Variants in SHISA6 observed in about 807,000 individuals in gnomAD.
The protein encoded by SHISA6 is protein shisa-6.
SHISA6 carries 22 observed loss-of-function variants against 47.9 expected under a neutral mutation model. That is an observed-to-expected ratio of 0.46 (90% CI 0.33 to 0.66). The LOEUF is 0.66. SHISA6 is among the 30% of genes least tolerant of loss of function. The pLI is 0.02. For synonymous variants in SHISA6, 388 were observed against 337.8 expected, an observed-to-expected ratio of 1.15 and a Z score of -1.63; for missense variants, 680 against 764.6, an observed-to-expected ratio of 0.89 and a Z score of 1.30.
chr17:11,298,979 A>G (rs1909837282), intron 2 of SHISA6, among the ~76,000 whole-genome samples: 1 of 152,188 alleles, frequency 6.6e-6, no homozygotes, highest in South Asian at 2.1e-4. Flanking sequence ...GGTCTAGTCT[A>G]TTAGGTTGAT....
At chr17:11,419,232 AAAAG>A (rs1386726701) in intron 3 of SHISA6, among the ~76,000 whole-genome samples, 1 of 147,302 alleles carries the variant, frequency 6.8e-6, no homozygotes, top group African/African-American at 2.7e-5. Flanking sequence ...TAAAATTTAA[AAAAG>A]AAAAAAGAAA....
At chr17:11,450,132 G>A (rs1326374104) in intron 3 of SHISA6, among the ~76,000 whole-genome samples, 2 of 151,878 alleles carry the variant, frequency 1.3e-5, no homozygotes, top group African/African-American at 2.4e-5. Context: ...TGATCCACCC[G>A]CCTCGGCCTC....
At chr17:11,388,839 T>TATA (rs1555532195) in intron 3 of SHISA6, among the ~76,000 whole-genome samples, 20 of 102,278 alleles carry the variant, frequency 2.0e-4, no homozygotes, top group African/African-American at 7.4e-4. Flanking sequence ...TATATATATA[T>TATA]ATTTTAAAAA....
intron 1 of SHISA6, among the ~76,000 whole-genome samples, chr17:11,248,342 G>A (rs904476211): frequency 5.9e-5 from 9 of 152,084 alleles, no homozygotes; most frequent in East Asian, 1.9e-4. Flanking sequence ...ATTTAATCTC[G>A]TTACCTAGTT....
chr17:11,521,004 A>G (rs985289398), intron 3 of SHISA6, among the ~76,000 whole-genome samples: 1 of 152,188 alleles, frequency 6.6e-6, no homozygotes, highest in African/African-American at 2.4e-5. Flanking sequence ...ACCTGGGACA[A>G]TGGACGCGCA....
At chr17:11,412,001 AT>A (rs1221370812) in intron 3 of SHISA6, among the ~76,000 whole-genome samples, 1 of 152,142 alleles carries the variant, frequency 6.6e-6, no homozygotes, top group Non-Finnish European at 1.5e-5. Flanking sequence ...CCCCAAGGAT[AT>A]TTGGGGAAGA....
chr17:11,469,435 C>T (rs960614937), intron 3 of SHISA6, among the ~76,000 whole-genome samples: 1 of 152,198 alleles, frequency 6.6e-6, no homozygotes, highest in Non-Finnish European at 1.5e-5. Flanking sequence ...ATTTTAGCCC[C>T]ATGAGATCCA....
intron 3 of SHISA6, among the ~76,000 whole-genome samples, 182 bp from the exon 4 acceptor site, chr17:11,551,714 G>A (rs2071933413): frequency 6.6e-6 from 1 of 152,168 alleles, no homozygotes; most frequent in East Asian, 1.9e-4. Context: ...TGTTGCAGAA[G>A]GAGAGAGACA....
At chr17:11,316,034 T>C (rs1910500548) in intron 2 of SHISA6, among the ~76,000 whole-genome samples, 1 of 152,192 alleles carries the variant, frequency 6.6e-6, no homozygotes, top group Non-Finnish European at 1.5e-5. Flanking sequence ...GGAAAGTCAC[T>C]CTTTGCCTAT....
In SHISA6 at chr17:11,515,317, G is replaced by GAAGA. The variant is rs768787950; in HGVS notation, c.896-36576_896-36575insAAAG. Among the ~76,000 whole-genome samples the GAAGA allele has an allele frequency of 6.8e-3, 355 of 51,918 alleles. 3 individuals are homozygous for GAAGA. Among genetic ancestry groups the GAAGA allele is most frequent in the Non-Finnish European group, 9.8e-3 (217 of 22,046 alleles). 34.1% of individuals were successfully genotyped at this position (51,918 alleles called of 152,430 possible). On this transcript the variant is annotated intron_variant, in intron 3 of 5. Transcript: ENST00000441885. ...GAAAGAGGAAGGAAGAAAGAAAAAG[G>GAAGA]AAGGAAGGAAGGAAGGAAGGAAGGA...
chr17:11,246,639 A>C (rs1907604682), intron 1 of SHISA6, among the ~76,000 whole-genome samples: 1 of 152,156 alleles, frequency 6.6e-6, no homozygotes, highest in African/African-American at 2.4e-5. Flanking sequence ...ATCCAGTGAG[A>C]GGTTGATTAT....
chr17:11,457,740 C>CAAAAAA lies in SHISA6; in HGVS notation c.895+78242_895+78247dup, dbSNP rs56835775. ...TGGGTGACAGAGTGAGACTCAGTCT[C>CAAAAAA]AAAAAAAAAAAAAAAAGACAGATGA... is the stretch of plus-strand genomic sequence containing the variant. On this transcript the variant is annotated intron_variant, in intron 3 of 5. Transcript: ENST00000441885. Among the ~76,000 whole-genome samples, 60 of 101,864 alleles carry CAAAAAA rather than the reference C, an allele frequency of 5.9e-4. No homozygotes were observed. The East Asian group carries it at 0.012, about 21-fold the overall frequency. 66.8% of individuals were successfully genotyped at this position (101,864 alleles called of 152,430 possible). A position where few individuals can be genotyped will look rare whatever the true frequency, so the allele number is the denominator to read the frequency against.
At chr17:11,348,000 C>T (rs141095875) in intron 2 of SHISA6, among the ~76,000 whole-genome samples, 8 of 152,240 alleles carry the variant, frequency 5.3e-5, no homozygotes, top group East Asian at 1.9e-4. Context: ...TTTTGGACTG[C>T]CAGAGTTAAT....
chr17:11,275,091 G>C (rs535857840), intron 2 of SHISA6, among the ~76,000 whole-genome samples: 4 of 152,256 alleles, frequency 2.6e-5, no homozygotes, highest in African/African-American at 9.6e-5. Context: ...TGGGACAACA[G>C]CCAGGAAGGA....
intron 3 of SHISA6, among the ~76,000 whole-genome samples, chr17:11,489,309 TCTTCC>T (rs10556530): frequency 0.013 from 1,912 of 152,246 alleles, 32 homozygotes; most frequent in African/African-American, 0.044. Context: ...CTGGGTCCCT[TCTTCC>T]CTTTTATCTA....
chr17:11,321,647 T>C (rs903330911), intron 2 of SHISA6, among the ~76,000 whole-genome samples: 7 of 152,240 alleles, frequency 4.6e-5, no homozygotes, highest in African/African-American at 1.7e-4. Flanking sequence ...TATCTTGTTA[T>C]TTATTTTCTA....
At chr17:11,485,072 A>G (rs1455567350) in intron 3 of SHISA6, among the ~76,000 whole-genome samples, 1 of 152,210 alleles carries the variant, frequency 6.6e-6, no homozygotes, top group Non-Finnish European at 1.5e-5. Context: ...AATTTTTAAA[A>G]AGGACCAACC....
chr17:11,244,937 C>T (rs920556314), intron 1 of SHISA6, among the ~76,000 whole-genome samples: 7 of 152,092 alleles, frequency 4.6e-5, no homozygotes, highest in Admixed American at 2.6e-4. Flanking sequence ...GTGAAGGGAA[C>T]GGATGGGCCA....
chr17:11,455,112 T>A (rs1436628076), intron 3 of SHISA6, among the ~76,000 whole-genome samples: 1 of 151,910 alleles, frequency 6.6e-6, no homozygotes, highest in African/African-American at 2.4e-5. Context: ...GAGCTTGCAG[T>A]GAGCCGAGAT....
Sources: gnomAD v4.1 joint callset for allele counts (sites outside exome capture counted in the v4.1 genomes callset) on GRCh38, gnomAD v4.1.1 for gene constraint, MANE v1.5 for transcripts, NCBI Gene and HGNC (gene_info 2026-07-23, HGNC 2026-07-21) for gene names.